NOX1: variants seen among roughly 807,000 people sequenced by gnomAD.
The protein encoded by NOX1 is NADPH oxidase 1.
A neutral mutation model predicts 42.5 loss-of-function variants in NOX1; 34 were observed. The observed-to-expected ratio is 0.80, with a 90% CI of 0.61 to 1.07. The LOEUF (loss-of-function observed/expected upper bound fraction) is 1.07. Among genes scored for constraint, NOX1 ranks in the 50% least tolerant of loss-of-function variants. NOX1 has a pLI of 0.00. For missense variants in NOX1, 408 were observed against 427.0 expected, an observed-to-expected ratio of 0.96 and a Z score of 0.39; for synonymous variants, 143 against 152.5, an observed-to-expected ratio of 0.94 and a Z score of 0.46.
intron 1 of NOX1, among the ~76,000 whole-genome samples, chrX:100,872,333 C>T (rs964057685): frequency 9.0e-6 from 1 of 111,561 alleles, no homozygotes; most frequent in African/African-American, 3.3e-5. Flanking sequence ...ATAACTGTGT[C>T]AGCCCATCAT....
intron 7 of NOX1, chrX:100,855,867 T>C (rs2085163513): frequency 2.6e-6 from 3 of 1,166,319 alleles, no homozygotes; most frequent in Admixed American, 2.2e-5. Flanking sequence ...TTCACAGTTG[T>C]GGCCATTCAC....
intron 10 of NOX1, 142 bp downstream of exon 10, chrX:100,849,630 T>C (rs905950807): frequency 3.0e-6 from 2 of 663,151 alleles, no homozygotes; most frequent in Non-Finnish European, 4.5e-6. Context: ...TAGAAGTGGA[T>C]GTCCTGGCCA....
Position 100,862,454 on chromosome X carries a change from G to A in NOX1, c.609C>T (p.Val203=), listed in dbSNP as rs1472618795. Residue 203 remains valine, a synonymous_variant, in exon 6 of 13, where the codon GTC becomes GTT. Transcript: ENST00000372966. The stretch of plus-strand genomic sequence containing the variant: ...TAAAAAGGTGGTGAGTATACCAGAA[G>A]ACTTCAAAATAACTCCTCCGGATGA... ...TEFIRRSYFE[V]FWYTHHLFIF... is the part of the protein sequence containing the mutation. 1 of 1,208,803 alleles carries A rather than the reference G, an allele frequency of 8.3e-7. No individual in the cohort carries two copies. The highest frequency in any genetic ancestry group is 1.1e-6 in the Non-Finnish European group (1 of 894,100).
intron 12 of NOX1, among the ~76,000 whole-genome samples, chrX:100,844,841 A>T (rs1194674094): frequency 8.9e-6 from 1 of 112,261 alleles, no homozygotes; most frequent in African/African-American, 3.2e-5. Flanking sequence ...AAGAACATGT[A>T]AATAAATTAG....
intron 7 of NOX1, chrX:100,855,223 G>A (rs2085158223): frequency 1.2e-5 from 6 of 493,207 alleles, no homozygotes; most frequent in Non-Finnish European, 2.2e-5. Flanking sequence ...TCATGAATCT[G>A]TTGTAACCTG....
intron 1 of NOX1, among the ~76,000 whole-genome samples, chrX:100,871,584 C>T (rs949686423): frequency 1.8e-5 from 2 of 111,888 alleles, no homozygotes; most frequent in African/African-American, 3.2e-5. Context: ...TTTTTGAGCT[C>T]TTAAGACTGC....
chrX:100,853,278 C>CTTTCTTTCTT (rs2085131976), intron 7 of NOX1, among the ~76,000 whole-genome samples: 1 of 59,586 alleles, frequency 1.7e-5, no homozygotes, highest in Non-Finnish European at 3.2e-5. Context: ...TTCTTTCTTT[C>CTTTCTTTCTT]TTTCTTTCTT....
chrX:100,844,033 C>G lies in NOX1; in HGVS notation c.1614G>C (p.Lys538Asn), dbSNP rs1273851427. The G allele has an allele frequency of 8.3e-7, 1 of 1,202,835 alleles. No homozygotes were observed. Among genetic ancestry groups the G allele is most frequent in the Non-Finnish European group, 1.1e-6 (1 of 890,210 alleles). ...VFLCGPRTLAKSLRKCCHRYS... is the reference protein window; with the variant it reads ...VFLCGPRTLANSLRKCCHRYS... The stretch of plus-strand genomic sequence containing the variant: ...ATCGGTGACAGCATTTGCGCAGGCT[C>G]TTTGCCAAAGTCCGAGGGCCACATA... The change falls in exon 13 of 13, where the codon AAG (lysine) becomes AAC (asparagine). Residue 538 changes from lysine to asparagine, a missense_variant. By Grantham distance (94) the Lys-to-Asn change is moderately conservative. Transcript: ENST00000372966.
intron 2 of NOX1, among the ~76,000 whole-genome samples, chrX:100,869,126 ATT>A (rs1438982285): frequency 9.0e-6 from 1 of 111,083 alleles, no homozygotes; most frequent in African/African-American, 3.3e-5. Flanking sequence ...TTGGCTTAGG[ATT>A]GACTTGGCGA....
At chrX:100,868,338 T>C (rs1360516985) in intron 2 of NOX1, among the ~76,000 whole-genome samples, 1 of 112,113 alleles carries the variant, frequency 8.9e-6, no homozygotes, top group Non-Finnish European at 1.9e-5. Flanking sequence ...AATGACACTG[T>C]CAAGATGAAA....
chrX:100,847,895 A>AT (rs904436721), intron 12 of NOX1, among the ~76,000 whole-genome samples: 10 of 110,661 alleles, frequency 9.0e-5, no homozygotes, highest in Non-Finnish European at 1.9e-4. Flanking sequence ...TAGCACCAGG[A>AT]TTTTTTGTGC....
Position 100,870,754 on chromosome X carries a change from C to T in NOX1, c.106G>A (p.Ala36Thr), listed in dbSNP as rs747609379. The T allele has an allele frequency of 1.7e-5, 20 of 1,198,672 alleles. No homozygotes were observed. The highest frequency in any genetic ancestry group is 2.3e-5 in the Non-Finnish European group (20 of 884,635). ...FVDAFLKYEK[A>T]DKYYYTRKIL... ...TTTCTTGTGTAGTAGTATTTGTCGG[C>T]CTTCTCATATTTCAGGAAGGCATCC... is the stretch of plus-strand genomic sequence containing the variant. Residue 36 changes from alanine to threonine, a missense_variant, in exon 2 of 13, where the codon GCC becomes ACC. Physicochemically the swap from Ala to Thr is moderately conservative, Grantham distance 58 (BLOSUM62 0). Coordinates refer to ENST00000372966, the MANE Select transcript of NOX1 (RefSeq NM_007052.5).
At chrX:100,856,408 G>A (rs769974674) in intron 7 of NOX1, 6 of 490,282 alleles carry the variant, frequency 1.2e-5, no homozygotes, top group African/African-American at 7.1e-5. Flanking sequence ...AGACTTTAAC[G>A]ATGCTTCTTC....
At chrX:100,863,411 T>C in intron 3 of NOX1, 74 bp downstream of exon 3, 2 of 1,080,795 alleles carry the variant, frequency 1.9e-6, no homozygotes, top group Non-Finnish European at 2.6e-6. Flanking sequence ...AGCATGGTGT[T>C]GGACTGTCCT....
In NOX1 at chrX:100,870,794, A is replaced by T; in HGVS notation, c.66T>A (p.Asn22Lys). Reference sequence around the variant, plus strand: ...GGAAGGCATCCACAAACAGGAAAACATTCAGCCCTAACCAAACAACCTAGA... The same window carrying T: ...GGAAGGCATCCACAAACAGGAAAACTTTCAGCCCTAACCAAACAACCTAGA... ...VLFLVVWLGL[N>K]VFLFVDAFLK... is the part of the protein sequence containing the mutation. The change falls in exon 2 of 13, where the codon AAT becomes AAA. Residue 22 changes from asparagine (N) to lysine (K), a missense_variant. By Grantham distance (94) the Asn-to-Lys change is moderately conservative. Transcript: ENST00000372966. 20 of 1,185,596 alleles carry T rather than the reference A, an allele frequency of 1.7e-5. No individual in the cohort carries two copies. The highest frequency in any genetic ancestry group is 2.3e-5 in the Non-Finnish European group (20 of 874,060).
chrX:100,858,740 G>T (rs753925984), intron 7 of NOX1, among the ~76,000 whole-genome samples: 1 of 111,000 alleles, frequency 9.0e-6, no homozygotes, highest in African/African-American at 3.3e-5. Flanking sequence ...CTTGGGTGTT[G>T]TTGGGGTATA....
chrX:100,849,241 T>C (rs753217171), intron 11 of NOX1, 39 bp downstream of exon 11: 1 of 1,187,175 alleles, frequency 8.4e-7, no homozygotes, highest in East Asian at 3.0e-5. Context: ...ACATTCGTCT[T>C]ATGTTTAGTA....
chrX:100,848,890 A>G (rs1190092396), intron 11 of NOX1, 136 bp from the exon 12 acceptor site: 1 of 537,092 alleles, frequency 1.9e-6, no homozygotes, highest in Non-Finnish European at 2.9e-6. Flanking sequence ...AGCCTGACCA[A>G]CATGGTGAGA....
intron 9 of NOX1, 101 bp downstream of exon 9, chrX:100,850,050 C>T (rs903175269): frequency 8.2e-6 from 8 of 975,768 alleles, no homozygotes; most frequent in Non-Finnish European, 1.1e-5. Flanking sequence ...TTATTATAAT[C>T]CTATTCTATT....
Sources: allele counts gnomAD v4.1 joint callset (sites outside exome capture counted in the v4.1 genomes callset), GRCh38; gene constraint gnomAD v4.1.1; transcripts MANE v1.5; gene names NCBI Gene and HGNC (gene_info 2026-07-23, HGNC 2026-07-21).